RIT2: variants seen among roughly 807,000 people sequenced by gnomAD.
RIT2 encodes Ras like without CAAX 2.
A neutral mutation model predicts 23.7 loss-of-function variants in RIT2; 24 were observed. The ratio of observed to expected loss-of-function variants is 1.01; its 90% CI spans 0.73 to 1.43. The LOEUF (loss-of-function observed/expected upper bound fraction) is 1.43. Ranked by LOEUF, RIT2 falls within the 40% of genes most tolerant of loss-of-function variation. The pLI is 0.00. For missense variants in RIT2, 236 were observed against 266.9 expected (o/e 0.88, Z 0.81); for synonymous variants, 107 against 91.1 (o/e 1.17, Z -0.99).
intron 4 of RIT2, among the ~76,000 whole-genome samples, chr18:42,915,151 TACACACACACACACACAC>T (rs71918963): frequency 2.1e-5 from 3 of 145,856 alleles, no homozygotes; most frequent in African/African-American, 7.6e-5. Flanking sequence ...CATATAATTA[TACACACACACACACACAC>T]ACACACACAC....
At chr18:42,746,516 A>G (rs985287216) in intron 4 of RIT2, among the ~76,000 whole-genome samples, 1 of 152,100 alleles carries the variant, frequency 6.6e-6, no homozygotes, top group African/African-American at 2.4e-5. Context: ...GTAAAAGGGG[A>G]ATATTTTATA....
At chr18:42,897,914 T>C (rs1908373670) in intron 4 of RIT2, among the ~76,000 whole-genome samples, 1 of 152,178 alleles carries the variant, frequency 6.6e-6, no homozygotes, top group East Asian at 1.9e-4. Context: ...GTCTTTGTGT[T>C]ATACCACAAG....
intron 4 of RIT2, among the ~76,000 whole-genome samples, chr18:42,787,052 C>T (rs1913938635): frequency 6.6e-6 from 1 of 151,972 alleles, no homozygotes; most frequent in Admixed American, 6.6e-5. Context: ...GGATGAAGGG[C>T]TTCCTTACAG....
At chr18:43,017,630 A>G (rs1911504017) in intron 2 of RIT2, among the ~76,000 whole-genome samples, 1 of 152,062 alleles carries the variant, frequency 6.6e-6, no homozygotes, top group Non-Finnish European at 1.5e-5. Flanking sequence ...AGTATTTAGA[A>G]TTAGGAAATG....
intron 4 of RIT2, among the ~76,000 whole-genome samples, chr18:42,770,405 G>C (rs1438060519): frequency 6.6e-6 from 1 of 152,186 alleles, no homozygotes; most frequent in Admixed American, 6.5e-5. Context: ...GTGAGAGAAA[G>C]TTGATGGAAC....
chr18:43,044,257 G>GT (rs1332731654), intron 1 of RIT2, among the ~76,000 whole-genome samples: 1 of 152,084 alleles, frequency 6.6e-6, no homozygotes, highest in African/African-American at 2.4e-5. Flanking sequence ...TGGGTAAGAG[G>GT]TATCCCGATC....
At chr18:43,031,543 T>C (rs751105381) in intron 2 of RIT2, among the ~76,000 whole-genome samples, 5 of 152,064 alleles carry the variant, frequency 3.3e-5, no homozygotes, top group Non-Finnish European at 5.9e-5. Context: ...CATTGGTTAC[T>C]GATGTTGAGA....
At chr18:43,021,988 G>T (rs78235743) in intron 2 of RIT2, among the ~76,000 whole-genome samples, 1 of 152,050 alleles carries the variant, frequency 6.6e-6, no homozygotes, top group Admixed American at 6.6e-5. Context: ...TTACTATATC[G>T]GAGGGATACC....
At chr18:43,003,800 ACACACACAC>A (rs1911164593) in intron 2 of RIT2, among the ~76,000 whole-genome samples, 1 of 146,202 alleles carries the variant, frequency 6.8e-6, no homozygotes, top group Non-Finnish European at 1.5e-5. Context: ...ACACACACAC[ACACACACAC>A]ATTAATATTG....
intron 4 of RIT2, among the ~76,000 whole-genome samples, chr18:42,772,151 A>G (rs1381565399): frequency 2.0e-5 from 3 of 152,140 alleles, no homozygotes; most frequent in Non-Finnish European, 4.4e-5. Context: ...GCAAATTAAT[A>G]ATAAAGCTGG....
chr18:42,936,068 A>C (rs1027336867), intron 3 of RIT2, among the ~76,000 whole-genome samples: 5 of 151,316 alleles, frequency 3.3e-5, no homozygotes, highest in Non-Finnish European at 7.4e-5. Flanking sequence ...GCTTAGAGAG[A>C]TAGGGATTTT....
intron 4 of RIT2, among the ~76,000 whole-genome samples, chr18:42,870,704 T>A (rs1035414953): frequency 5.3e-5 from 8 of 152,296 alleles, no homozygotes; most frequent in African/African-American, 1.9e-4. Flanking sequence ...CAACGGCATG[T>A]CACTGTATTT....
chr18:42,908,813 GC>G (rs1220503877), intron 4 of RIT2, among the ~76,000 whole-genome samples: 1 of 152,058 alleles, frequency 6.6e-6, no homozygotes, highest in Non-Finnish European at 1.5e-5. Flanking sequence ...GTAAGTTGGT[GC>G]AAAAATAATT....
chr18:42,889,946 C>T (rs1004379412), intron 4 of RIT2, among the ~76,000 whole-genome samples: 1 of 151,984 alleles, frequency 6.6e-6, no homozygotes, highest in Non-Finnish European at 1.5e-5. Context: ...TTTTGTTCTT[C>T]ACAAAGGACA....
At chr18:42,941,319 C>T (rs1361180984) in intron 3 of RIT2, among the ~76,000 whole-genome samples, 1 of 152,024 alleles carries the variant, frequency 6.6e-6, no homozygotes, top group Non-Finnish European at 1.5e-5. Context: ...AAAGCTATTC[C>T]CTTGCCTAGA....
chr18:42,841,525 T>A (rs1021458476), intron 4 of RIT2, among the ~76,000 whole-genome samples: 2 of 152,172 alleles, frequency 1.3e-5, no homozygotes, highest in African/African-American at 4.8e-5. Flanking sequence ...ATATCACCCA[T>A]AATTTTTCAT....
chr18:43,015,556 T>C (rs897878443), intron 2 of RIT2, among the ~76,000 whole-genome samples: 1 of 151,750 alleles, frequency 6.6e-6, no homozygotes, highest in Non-Finnish European at 1.5e-5. Flanking sequence ...TACATGTAGA[T>C]AGCAAATAAA....
At chr18:43,050,770 C>T (rs1912361896) in intron 1 of RIT2, among the ~76,000 whole-genome samples, 1 of 151,964 alleles carries the variant, frequency 6.6e-6, no homozygotes. Flanking sequence ...CATAAAAAAC[C>T]CAAAAGGACA....
At chr18:42,930,321 T>C (rs1909294698) in intron 3 of RIT2, among the ~76,000 whole-genome samples, 2 of 150,880 alleles carry the variant, frequency 1.3e-5, no homozygotes, top group South Asian at 4.2e-4. Flanking sequence ...TGAAGTGAGG[T>C]TTCACAAAAG....
Sources: gnomAD v4.1 joint callset for allele counts (sites outside exome capture counted in the v4.1 genomes callset) on GRCh38, gnomAD v4.1.1 for gene constraint, MANE v1.5 for transcripts, NCBI Gene and HGNC (gene_info 2026-07-23, HGNC 2026-07-21) for gene names.